The following SEL1L2 variants were observed in gnomAD, a reference collection of about 807,000 sequenced individuals.
SEL1L2 encodes SEL1L2 adaptor subunit of SYVN1 ubiquitin ligase.
SEL1L2 carries 89 observed loss-of-function variants against 98.8 expected under a neutral mutation model. The ratio of observed to expected loss-of-function variants is 0.90; its 90% CI spans 0.76 to 1.07. The LOEUF (loss-of-function observed/expected upper bound fraction) is 1.07, where lower values mean the gene tolerates loss of function less well. SEL1L2 is among the 50% of genes least tolerant of loss of function. The pLI is 0.00. For synonymous variants in SEL1L2, 262 were observed against 278.5 expected (o/e 0.94, Z 0.59); for missense variants, 788 against 812.0 (o/e 0.97, Z 0.36).
At chr20:13,933,733 C>A (rs1476688958) in intron 2 of SEL1L2, among the ~76,000 whole-genome samples, 1 of 152,054 alleles carries the variant, frequency 6.6e-6, no homozygotes. Flanking sequence ...CAGTATCTAG[C>A]AGACAGAAAG....
chr20:13,879,817 A>G (rs1221828577), intron 10 of SEL1L2, among the ~76,000 whole-genome samples: 1 of 152,188 alleles, frequency 6.6e-6, no homozygotes. Flanking sequence ...GAGAACACTA[A>G]TATCAAAAAT....
chr20:13,984,524 T>A (rs1335460156), intron 1 of SEL1L2, among the ~76,000 whole-genome samples: 1 of 152,192 alleles, frequency 6.6e-6, no homozygotes, highest in South Asian at 2.1e-4. Context: ...TCTTCTCAGT[T>A]CCCACTGCTG....
chr20:13,978,089 C>T (rs887131629), intron 1 of SEL1L2, among the ~76,000 whole-genome samples: 1 of 152,148 alleles, frequency 6.6e-6, no homozygotes, highest in Non-Finnish European at 1.5e-5. Flanking sequence ...CATCACACTA[C>T]TTGACTTCAA....
At chr20:13,870,481 G>A (rs2046133108) in intron 12 of SEL1L2, among the ~76,000 whole-genome samples, 2 of 152,300 alleles carry the variant, frequency 1.3e-5, no homozygotes, top group South Asian at 2.1e-4. Flanking sequence ...TAGGCACTGG[G>A]CAGAGGTAGC....
chr20:13,934,881 C>A (rs1374696803), intron 2 of SEL1L2, among the ~76,000 whole-genome samples: 1 of 151,986 alleles, frequency 6.6e-6, no homozygotes, highest in Non-Finnish European at 1.5e-5. Flanking sequence ...ATTAGCCCCA[C>A]CTAATTGCAA....
chr20:13,854,457 C>G (rs1006725124), intron 18 of SEL1L2, among the ~76,000 whole-genome samples: 3 of 152,146 alleles, frequency 2.0e-5, no homozygotes, highest in Admixed American at 6.5e-5. Context: ...CCTGAGTTAG[C>G]TGGTAGGTAT....
rs550134855 is a variant in SEL1L2 at position 13,956,263 on chromosome 20, A to G, written c.59-132T>C. On this transcript the variant is annotated intron_variant, in intron 1 of 19. Transcript: ENST00000284951. ...TAAGAATAATTGTTGACAATAATTTATAATTTAGAGTTCCTAATAATGTGT... is the reference window on the plus strand; with the variant it reads ...TAAGAATAATTGTTGACAATAATTTGTAATTTAGAGTTCCTAATAATGTGT... 2.0e-5 allele frequency: 11 copies of G among 557,524 alleles called. No homozygotes were observed. In the East Asian group the frequency reaches 3.5e-4, roughly 18 times the overall value. The allele number at this position is 557,524 out of a possible 1,614,324, so 34.5% of individuals were successfully genotyped here.
At chr20:13,871,514 T>C (rs2046192299) in intron 12 of SEL1L2, among the ~76,000 whole-genome samples, 1 of 151,724 alleles carries the variant, frequency 6.6e-6, no homozygotes, top group Non-Finnish European at 1.5e-5. Context: ...CCACCTGACT[T>C]TCTTTTTTTT....
At chr20:13,871,695 A>T (rs1021815025) in intron 12 of SEL1L2, among the ~76,000 whole-genome samples, 8 of 151,942 alleles carry the variant, frequency 5.3e-5, no homozygotes, top group African/African-American at 1.9e-4. Context: ...TATTTTTAAT[A>T]GAGATGGGGT....
intron 18 of SEL1L2, among the ~76,000 whole-genome samples, chr20:13,853,434 G>GGGC: frequency 6.6e-6 from 1 of 151,180 alleles, no homozygotes; most frequent in South Asian, 2.1e-4. Context: ...GGCTAGTCTT[G>GGGC]AACTCCTGGA....
In SEL1L2 at chr20:13,938,008, TG is replaced by T. The variant is rs903145117; in HGVS notation, c.115-6238del. 5.3e-5 allele frequency among the ~76,000 whole-genome samples: 8 copies of T among 152,102 alleles called. No individual in the cohort carries two copies. The East Asian group carries it at 7.7e-4, about 15-fold the overall frequency. On this transcript the variant is annotated intron_variant, in intron 2 of 19. Transcript: ENST00000284951. ...GGACCCAGTCCTATGGTACTATGCTTGAAGGCAAAAACAAACAAACCCACAA... is the reference window on the plus strand; with the variant it reads ...GGACCCAGTCCTATGGTACTATGCTTAAGGCAAAAACAAACAAACCCACAA...
At chr20:13,851,159 A>T (rs920548889) in intron 18 of SEL1L2, among the ~76,000 whole-genome samples, 2 of 152,090 alleles carry the variant, frequency 1.3e-5, no homozygotes, top group African/African-American at 2.4e-5. Flanking sequence ...CCCGGGAGGC[A>T]GCGGTTGCAG....
In SEL1L2 at chr20:13,857,665, G is replaced by A. The variant is rs561427921; in HGVS notation, c.1818+1597C>T. Reference sequence around the variant, plus strand: ...GAAAGCTAACATGAATTTAACACATGGAGTGGGGTCACTTTATCCCTTCTA... The same window carrying A: ...GAAAGCTAACATGAATTTAACACATAGAGTGGGGTCACTTTATCCCTTCTA... On this transcript the variant is annotated intron_variant, in intron 18 of 19. Transcript: ENST00000284951. Among the ~76,000 whole-genome samples the A allele has an allele frequency of 4.6e-5, 7 of 152,334 alleles. No homozygotes were observed. The South Asian group carries it at 6.2e-4, about 14-fold the overall frequency.
chr20:13,925,761 C>T (rs1387299552), intron 3 of SEL1L2, among the ~76,000 whole-genome samples: 1 of 152,216 alleles, frequency 6.6e-6, no homozygotes, highest in Non-Finnish European at 1.5e-5. Context: ...GAGCCCAGTT[C>T]TGCCTTTAAA....
At chr20:13,878,623 T>C (rs552434309) in intron 10 of SEL1L2, among the ~76,000 whole-genome samples, 1 of 152,388 alleles carries the variant, frequency 6.6e-6, no homozygotes, top group South Asian at 2.1e-4. Context: ...GGAAGTTTGC[T>C]GTAGGAATGT....
chr20:13,993,502 A>T (rs1209850039), upstream of SEL1L2, among the ~76,000 whole-genome samples: 1 of 152,236 alleles, frequency 6.6e-6, no homozygotes, highest in Non-Finnish European at 1.5e-5. Context: ...ATGCTGGAAC[A>T]AATGCCCTCT....
At chr20:13,988,162 TG>T (rs141883500) in intron 1 of SEL1L2, among the ~76,000 whole-genome samples, 5,415 of 151,880 alleles carry the variant, frequency 0.036, 138 homozygotes, top group Non-Finnish European at 0.05. Flanking sequence ...AGGTATGAGG[TG>T]GGGGTACAAA....
At chr20:13,974,220 T>C (rs1360411162) in intron 1 of SEL1L2, among the ~76,000 whole-genome samples, 2 of 152,200 alleles carry the variant, frequency 1.3e-5, no homozygotes, top group Non-Finnish European at 2.9e-5. Flanking sequence ...CTCTAGATTC[T>C]AGATTTTCCC....
intron 14 of SEL1L2, among the ~76,000 whole-genome samples, chr20:13,868,187 AC>A (rs2147838279): frequency 6.7e-6 from 1 of 149,420 alleles, no homozygotes; most frequent in Non-Finnish European, 1.5e-5. Flanking sequence ...TTCCTCACTC[AC>A]CTCTCTCCCC....
Sources: allele counts gnomAD v4.1 joint callset (sites outside exome capture counted in the v4.1 genomes callset), GRCh38; gene constraint gnomAD v4.1.1; transcripts MANE v1.5; gene names NCBI Gene and HGNC (gene_info 2026-07-23, HGNC 2026-07-21).